Variants in B3GAT1 observed in about 807,000 individuals in gnomAD.
B3GAT1 encodes the protein galactosylgalactosylxylosylprotein 3-beta-glucuronosyltransferase 1.
Under a neutral mutation model 28.4 loss-of-function variants are expected in B3GAT1, and 11 were observed. The observed-to-expected ratio is 0.39, with a 90% CI of 0.24 to 0.64. B3GAT1 has a LOEUF of 0.64. Ranked by LOEUF, B3GAT1 falls within the 30% of genes least tolerant of loss-of-function variation. The pLI is 0.50. For missense variants in B3GAT1, 375 were observed against 491.0 expected (o/e 0.76, Z 2.23); for synonymous variants, 255 against 223.1 (o/e 1.14, Z -1.27).
At chr11:134,384,435 AG>A in intron 2 of B3GAT1, 1 of 505,218 alleles carries the variant, frequency 2.0e-6, no homozygotes, top group South Asian at 4.2e-5. Flanking sequence ...GCAGCCCTCT[AG>A]CTATTTGAGC....
At chr11:134,396,848 G>A (rs926294992) in intron 1 of B3GAT1, among the ~76,000 whole-genome samples, 4 of 152,192 alleles carry the variant, frequency 2.6e-5, no homozygotes, top group African/African-American at 9.7e-5. Flanking sequence ...AGGTGGAGAG[G>A]AGAGGGTCTG....
intron 2 of B3GAT1, chr11:134,385,158 G>A (rs1288104470): frequency 6.6e-6 from 1 of 152,198 alleles, no homozygotes; most frequent in Non-Finnish European, 1.5e-5. Flanking sequence ...GTGGATTAAT[G>A]AGTCCACAAG....
chr11:134,403,651 G>C (rs893893218), intron 1 of B3GAT1, among the ~76,000 whole-genome samples: 1 of 152,136 alleles, frequency 6.6e-6, no homozygotes, highest in Non-Finnish European at 1.5e-5. Context: ...GCCATTTATT[G>C]AGCTTTTGCT....
chr11:134,404,036 A>ATTTAT (rs1944681586), intron 1 of B3GAT1, among the ~76,000 whole-genome samples: 2 of 103,190 alleles, frequency 1.9e-5, no homozygotes, highest in African/African-American at 7.9e-5. Context: ...TATATTTATT[A>ATTTAT]TACGTTAAGT....
intron 2 of B3GAT1, chr11:134,387,238 T>A: frequency 1.0e-5 from 3 of 286,984 alleles, no homozygotes; most frequent in South Asian, 5.4e-5. Context: ...ACTTCCCACC[T>A]CCGACCTCAG....
In B3GAT1 at chr11:134,383,462, T is replaced by C. The variant is rs574342508; in HGVS notation, c.621+218A>G. Among the ~76,000 whole-genome samples, 13 of 152,290 alleles carry C rather than the reference T, an allele frequency of 8.5e-5. No individual in the cohort carries two copies. In the East Asian group the frequency reaches 1.4e-3, roughly 16 times the overall value. ...TACCTCTAGGGCCAGGAATATGGTTTAGGGGCTCCAGAGCCACCTGTCTTC... is the reference window on the plus strand; with the variant it reads ...TACCTCTAGGGCCAGGAATATGGTTCAGGGGCTCCAGAGCCACCTGTCTTC... On this transcript the variant is annotated intron_variant, in intron 3 of 5. Coordinates refer to ENST00000312527, the MANE Select transcript of B3GAT1 (RefSeq NM_054025.3).
At chr11:134,391,103 G>C (rs1025041867) in intron 1 of B3GAT1, 1 of 152,226 alleles carries the variant, frequency 6.6e-6, no homozygotes, top group Non-Finnish European at 1.5e-5. Context: ...GAAAAGGGAG[G>C]GGGAGAGAGG....
chr11:134,401,973 G>GGC lies in B3GAT1; in HGVS notation c.-282+9833_-282+9834insGC, dbSNP rs1356304105. 6.3e-4 allele frequency among the ~76,000 whole-genome samples: 78 copies of GGC among 122,998 alleles called. 1 individual carries two copies. Among genetic ancestry groups the GGC allele is most frequent in the African/African-American group, 2.0e-3 (72 of 36,530 alleles). 80.7% of individuals were successfully genotyped at this position (122,998 alleles called of 152,430 possible). On this transcript the variant is annotated intron_variant, in intron 1 of 5. Coordinates refer to ENST00000312527, the MANE Select transcript of B3GAT1 (RefSeq NM_054025.3). Reference sequence around the variant, plus strand: ...GACAAAAGGGTGTGGCCTGGGGCGGGGGGGGGCGGGCAGCCTGACCACTGT... The same window carrying GGC: ...GACAAAAGGGTGTGGCCTGGGGCGGGGCGGGGGGCGGGCAGCCTGACCACTGT...
At chr11:134,408,991 G>A (rs1229249680) in intron 1 of B3GAT1, among the ~76,000 whole-genome samples, 1 of 152,178 alleles carries the variant, frequency 6.6e-6, no homozygotes, top group Admixed American at 6.5e-5. Context: ...TTGGCTCCAG[G>A]GCTGGCCTGA....
In B3GAT1 at chr11:134,401,976, G is replaced by T. The variant is rs1415952429; in HGVS notation, c.-282+9831C>A. On this transcript the variant is annotated intron_variant, in intron 1 of 5. Coordinates refer to ENST00000312527, the MANE Select transcript of B3GAT1 (RefSeq NM_054025.3). The stretch of plus-strand genomic sequence containing the variant: ...AAAAGGGTGTGGCCTGGGGCGGGGG[G>T]GGGCGGGCAGCCTGACCACTGTCGG... Among the ~76,000 whole-genome samples the T allele has an allele frequency of 4.0e-5, 5 of 123,668 alleles. 1 individual carries two copies. Among genetic ancestry groups the T allele is most frequent in the East Asian group, 7.1e-4 (2 of 2,822 alleles). The allele number at this position is 123,668 out of a possible 152,430, so 81.1% of individuals were successfully genotyped here. A position where few individuals can be genotyped will look rare whatever the true frequency, so the allele number is the denominator to read the frequency against.
intron 1 of B3GAT1, among the ~76,000 whole-genome samples, chr11:134,401,979 G>GGTGGGGCAGC (rs202012519): frequency 9.9e-6 from 1 of 101,502 alleles, no homozygotes; most frequent in Non-Finnish European, 2.0e-5. Flanking sequence ...GCGGGGGGGG[G>GGTGGGGCAGC]CGGGCAGCCT....
Position 134,393,445 on chromosome 11 carries a change from G to A in B3GAT1, c.-281-5505C>T, listed in dbSNP as rs1006291116. ...GACATCAGCCACATCGCAGCATCCC[G>A]CTGCGATCTCGTTTTGATTTCTTCA... On this transcript the variant is annotated intron_variant, in intron 1 of 5. Transcript: ENST00000312527. The surrounding 1 kb of genome is among the most constrained non-coding windows in gnomAD (Gnocchi z 4.0). 6.6e-6 allele frequency among the ~76,000 whole-genome samples: 1 copy of A among 152,152 alleles called. No individual in the cohort carries two copies. The highest frequency in any genetic ancestry group is 6.5e-5 in the Admixed American group (1 of 15,276).
intron 1 of B3GAT1, among the ~76,000 whole-genome samples, chr11:134,398,948 T>C (rs1170458902): frequency 2.0e-5 from 3 of 152,216 alleles, no homozygotes; most frequent in East Asian, 1.9e-4. Flanking sequence ...GATATGATAA[T>C]GGATCAACTG....
intron 5 of B3GAT1, 96 bp downstream of exon 5, chr11:134,381,828 C>T (rs1360031101): frequency 2.0e-6 from 2 of 1,018,614 alleles, no homozygotes; most frequent in Non-Finnish European, 3.0e-6. Flanking sequence ...CTGTCCTCCA[C>T]AGTGAAAGCC....
chr11:134,394,158 C>T (rs531726448), intron 1 of B3GAT1, among the ~76,000 whole-genome samples: 64 of 152,336 alleles, frequency 4.2e-4, no homozygotes, highest in African/African-American at 1.5e-3. Flanking sequence ...CCTCCTTTGC[C>T]CTGGTCACCG....
In B3GAT1 at chr11:134,381,956, G is replaced by A; in HGVS notation, c.987C>T (p.Asp329=). The A allele has an allele frequency of 1.9e-6, 3 of 1,614,066 alleles. No homozygotes were observed. Among genetic ancestry groups the A allele is most frequent in the Non-Finnish European group, 2.5e-6 (3 of 1,180,020 alleles). The stretch of plus-strand genomic sequence containing the variant: ...CTGAGGCTCAGATCTCCACCGAGGG[G>A]TCAGTGAAGCCCTTCTTGCCCTCAT... The part of the protein sequence containing the change: ...LVNEGKKGFT[D]PSVEI The change falls in exon 5 of 6, where the codon GAC becomes GAT. Residue 329 remains aspartate (D), a synonymous_variant. Transcript: ENST00000312527.
intron 1 of B3GAT1, among the ~76,000 whole-genome samples, chr11:134,398,183 G>A (rs1944540577): frequency 6.6e-6 from 1 of 152,242 alleles, no homozygotes; most frequent in African/African-American, 2.4e-5. Context: ...GTGTGCATGT[G>A]TGATCATGGC....
Position 134,384,206 on chromosome 11 carries a change from C to A in B3GAT1, c.113-18G>T. On this transcript the variant is annotated intron_variant, in intron 2 of 5. Coordinates refer to ENST00000312527, the MANE Select transcript of B3GAT1 (RefSeq NM_054025.3). ...GCCCTCATCTGCGGAGTCGGGAGACCGGCGATGTGGGAGGAGAGCGCCGGC... is the reference window on the plus strand; with the variant it reads ...GCCCTCATCTGCGGAGTCGGGAGACAGGCGATGTGGGAGGAGAGCGCCGGC... 6.6e-7 allele frequency: 1 copy of A among 1,521,496 alleles called. No homozygotes were observed. The highest frequency in any genetic ancestry group is 2.3e-5 in the East Asian group (1 of 43,794). The allele number at this position is 1,521,496 out of a possible 1,614,324, so 94.2% of individuals were successfully genotyped here. A position where few individuals can be genotyped will look rare whatever the true frequency, so the allele number is the denominator to read the frequency against.
chr11:134,388,068 T>C, intron 1 of B3GAT1, 128 bp from the exon 2 acceptor site: 1 of 389,632 alleles, frequency 2.6e-6, no homozygotes, highest in Non-Finnish European at 5.1e-6. Flanking sequence ...GTCCATCACC[T>C]GAGGACCTCT....
Sources: gnomAD v4.1 joint callset for allele counts (sites outside exome capture counted in the v4.1 genomes callset) on GRCh38, gnomAD v4.1.1 for gene constraint, Gnocchi (gnomAD v3.1) non-coding constraint, MANE v1.5 for transcripts, NCBI Gene and HGNC (gene_info 2026-07-23, HGNC 2026-07-21) for gene names.